SCEL: variants seen among roughly 807,000 people sequenced by gnomAD.
SCEL encodes sciellin.
Under a neutral mutation model 117.6 loss-of-function variants are expected in SCEL, and 113 were observed. The ratio of observed to expected loss-of-function variants is 0.96; its 90% confidence interval spans 0.83 to 1.12. SCEL has a LOEUF of 1.12. Ranked by LOEUF, SCEL falls within the 50% of genes most tolerant of loss-of-function variation. The pLI, the probability that SCEL is intolerant of heterozygous loss-of-function variation, is 0.00. For synonymous variants in SCEL, 270 were observed against 256.2 expected (o/e 1.05, Z -0.51); for missense variants, 785 against 810.8 (o/e 0.97, Z 0.39).
At chr13:77,569,694 G>T (rs2085485426) in intron 8 of SCEL, among the ~76,000 whole-genome samples, 1 of 152,172 alleles carries the variant, frequency 6.6e-6, no homozygotes. Flanking sequence ...ACTACTTGAG[G>T]TAGCATGTTT....
chr13:77,556,044 C>G (rs2084637942), intron 2 of SCEL, 126 bp downstream of exon 2: 1 of 588,644 alleles, frequency 1.7e-6, no homozygotes, highest in Non-Finnish European at 2.9e-6. Context: ...ATTAGCATTG[C>G]AAAGTTAGGC....
chr13:77,555,845 T>A lies in SCEL; in HGVS notation c.-19-12T>A. ...ATTGATGTGCTTTCTCTATTTCCCA[T>A]TTTTCTTTTAGGTCCTTACTGGAAG... On this transcript the variant is annotated splice_polypyrimidine_tract_variant and intron_variant, in intron 1 of 32. Coordinates refer to ENST00000349847, the MANE Select transcript of SCEL (RefSeq NM_144777.3). The A allele has an allele frequency of 6.3e-7, 1 of 1,590,556 alleles. No homozygotes were observed. Among genetic ancestry groups the A allele is most frequent in the Non-Finnish European group, 8.6e-7 (1 of 1,159,134 alleles).
intron 27 of SCEL, among the ~76,000 whole-genome samples, chr13:77,627,296 T>G (rs2154405010): frequency 6.6e-6 from 1 of 152,326 alleles, no homozygotes; most frequent in Non-Finnish European, 1.5e-5. Context: ...TCTGCAGGAC[T>G]TTTGTGAGAT....
At chr13:77,563,292 C>T (rs2085088737) in intron 4 of SCEL, among the ~76,000 whole-genome samples, 1 of 151,972 alleles carries the variant, frequency 6.6e-6, no homozygotes, top group Non-Finnish European at 1.5e-5. Context: ...TCCTTCCTTT[C>T]CTTTCCTTTC....
At chr13:77,590,868 A>G (rs1261753306) in intron 10 of SCEL, among the ~76,000 whole-genome samples, 2 of 152,074 alleles carry the variant, frequency 1.3e-5, no homozygotes, top group African/African-American at 2.4e-5. Flanking sequence ...GAGTAGAGAA[A>G]AGTCTTAAAT....
chr13:77,559,288 T>G (rs540097742), intron 3 of SCEL, among the ~76,000 whole-genome samples: 6 of 152,374 alleles, frequency 3.9e-5, no homozygotes, highest in African/African-American at 1.4e-4. Flanking sequence ...AAAAGTAGGC[T>G]AGGTCTCCTG....
intron 7 of SCEL, 42 bp downstream of exon 7, chr13:77,568,375 T>C: frequency 7.5e-7 from 1 of 1,325,698 alleles, no homozygotes. Context: ...TTTTTATGTA[T>C]TCAAGAAAAA....
At chr13:77,564,465 G>A (rs1311971583) in intron 5 of SCEL, among the ~76,000 whole-genome samples, 1 of 152,124 alleles carries the variant, frequency 6.6e-6, no homozygotes, top group Admixed American at 6.5e-5. Flanking sequence ...TTACATGGAG[G>A]GAAAGGGCTC....
chr13:77,588,759 A>T (rs957909480), intron 9 of SCEL, among the ~76,000 whole-genome samples: 6 of 152,300 alleles, frequency 3.9e-5, no homozygotes, highest in Admixed American at 1.3e-4. Flanking sequence ...GATAGTTGAC[A>T]TAATCCCCAA....
intron 32 of SCEL, among the ~76,000 whole-genome samples, chr13:77,643,025 C>A (rs1594217203): frequency 6.6e-6 from 1 of 152,062 alleles, no homozygotes; most frequent in South Asian, 2.1e-4. Flanking sequence ...GATATAGATA[C>A]AACTAAACCA....
intron 9 of SCEL, among the ~76,000 whole-genome samples, chr13:77,572,926 G>A (rs145336479): frequency 7.9e-4 from 121 of 152,282 alleles, no homozygotes; most frequent in African/African-American, 2.8e-3. Context: ...TCAGACAGGG[G>A]TTCCAATGTG....
At chr13:77,543,642 T>G (rs2083842007) in intron 1 of SCEL, among the ~76,000 whole-genome samples, 1 of 152,232 alleles carries the variant, frequency 6.6e-6, no homozygotes, top group Admixed American at 6.5e-5. Context: ...GCCATCTTTA[T>G]GTCCATGAGT....
chr13:77,584,523 C>T (rs919084968), intron 9 of SCEL, among the ~76,000 whole-genome samples: 3 of 152,190 alleles, frequency 2.0e-5, no homozygotes, highest in Non-Finnish European at 4.4e-5. Flanking sequence ...ACTTCTACTC[C>T]CCTGATCCAC....
chr13:77,637,277 C>CA (rs1208522333), intron 30 of SCEL, 83 bp downstream of exon 30: 12 of 317,322 alleles, frequency 3.8e-5, no homozygotes, highest in African/African-American at 1.2e-4. Flanking sequence ...TACACACACA[C>CA]AGGCACACAC....
intron 8 of SCEL, among the ~76,000 whole-genome samples, chr13:77,571,849 TGTC>T (rs1453612396): frequency 6.6e-6 from 1 of 151,946 alleles, no homozygotes; most frequent in African/African-American, 2.4e-5. Flanking sequence ...ACTTAACAAT[TGTC>T]ATTGTTTTCT....
At chr13:77,589,576 C>A (rs2086756066) in intron 10 of SCEL, among the ~76,000 whole-genome samples, 1 of 151,922 alleles carries the variant, frequency 6.6e-6, no homozygotes, top group South Asian at 2.1e-4. Flanking sequence ...TACATATAAA[C>A]CATATTAAAA....
Position 77,608,058 on chromosome 13 carries a change from G to A in SCEL, c.1160G>A (p.Gly387Asp), listed in dbSNP as rs1319245423. The change falls in exon 20 of 33, where the codon GGC (glycine) becomes GAC (aspartate). Residue 387 changes from glycine to aspartate, a missense_variant and splice_region_variant. Gly to Asp is a moderately conservative substitution (Grantham distance 94). Transcript: ENST00000349847. ...ACCATTTCTTCAATGTTTTAAAGGG[G>A]CCAGAGCCTTGATAATCTCATCAAA... is the stretch of plus-strand genomic sequence containing the variant. ...DPETNKNITRGQSLDNLIKVT... is the reference protein window; with the variant it reads ...DPETNKNITRDQSLDNLIKVT... The A allele has an allele frequency of 6.2e-7, 1 of 1,612,452 alleles. No individual in the cohort carries two copies. The highest frequency in any genetic ancestry group is 8.5e-7 in the Non-Finnish European group (1 of 1,179,022).
At position 77,556,702 on chromosome 13, in the gene SCEL, T is replaced by TGAA; in HGVS notation, c.157_159dup (p.Glu53dup). The TGAA allele has an allele frequency of 6.2e-7, 1 of 1,612,552 alleles. No individual in the cohort carries two copies. Among genetic ancestry groups the TGAA allele is most frequent in the Non-Finnish European group, 8.5e-7 (1 of 1,178,664 alleles). On this transcript the variant is annotated inframe_insertion, in exon 3 of 33. Coordinates refer to ENST00000349847, the MANE Select transcript of SCEL (RefSeq NM_144777.3). ...ATAACAGTTGGATAAAGAAACGCCC[T>TGAA]GAAGAAGAAAAGTAAGCTGGTGTGG...
Position 77,556,722 on chromosome 13 carries a change from G to T in SCEL, c.161+9G>T. The T allele has an allele frequency of 6.3e-7, 1 of 1,583,582 alleles. No individual in the cohort carries two copies. The highest frequency in any genetic ancestry group is 8.7e-7 in the Non-Finnish European group (1 of 1,152,298). Reference sequence around the variant, plus strand: ...CGCCCTGAAGAAGAAAAGTAAGCTGGTGTGGAGCGTGGTGGGTGGACAGAA... The same window carrying T: ...CGCCCTGAAGAAGAAAAGTAAGCTGTTGTGGAGCGTGGTGGGTGGACAGAA... On this transcript the variant is annotated intron_variant, in intron 3 of 32. Transcript: ENST00000349847.
Sources: gnomAD v4.1 joint callset for allele counts (sites outside exome capture counted in the v4.1 genomes callset) on GRCh38, gnomAD v4.1.1 for gene constraint, MANE v1.5 for transcripts, NCBI Gene and HGNC (gene_info 2026-07-23, HGNC 2026-07-21) for gene names.